The following FAM200C variants were observed in gnomAD, a reference collection of about 807,000 sequenced individuals.
the FAM200C span, chr5:160,395,423 T>C: frequency 1.2e-6 from 2 of 1,614,180 alleles, no homozygotes; most frequent in Non-Finnish European, 8.5e-7. Context: ...CTGAGTTCCA[T>C]CTACTTCCGT....
chr5:160,396,149 C>A, the FAM200C span, among the ~76,000 whole-genome samples: 14 of 151,388 alleles, frequency 9.2e-5, no homozygotes, highest in Admixed American at 9.2e-4. Flanking sequence ...CCACCCCACT[C>A]TTCCACCCCA....
At chr5:160,398,861 T>G in the FAM200C span, among the ~76,000 whole-genome samples, 1 of 152,218 alleles carries the variant, frequency 6.6e-6, no homozygotes, top group Non-Finnish European at 1.5e-5. Flanking sequence ...TAAGGAGATA[T>G]TGTTAAACAG....
At chr5:160,395,173 CT>C in the FAM200C span, 1 of 1,613,836 alleles carries the variant, frequency 6.2e-7, no homozygotes, top group South Asian at 1.1e-5. Context: ...TATGAGGATT[CT>C]TCTCCTTGGC....
At chr5:160,395,194 C>G in the FAM200C span, 2 of 1,613,754 alleles carry the variant, frequency 1.2e-6, no homozygotes, top group South Asian at 2.2e-5. Flanking sequence ...CACATAAATA[C>G]GCAAATTGAT....
chr5:160,395,543 T>C, the FAM200C span: 2 of 1,492,976 alleles, frequency 1.3e-6, no homozygotes, highest in East Asian at 2.3e-5. Context: ...AATTTTGCTT[T>C]GGGAGTAAAA....
chr5:160,395,311 C>T, the FAM200C span: 1 of 1,614,154 alleles, frequency 6.2e-7, no homozygotes. Flanking sequence ...TGAGATCATG[C>T]CCAGCTACAC....
chr5:160,397,208 G>T, the FAM200C span, among the ~76,000 whole-genome samples: 1 of 152,156 alleles, frequency 6.6e-6, no homozygotes, highest in Admixed American at 6.5e-5. Flanking sequence ...TGGTTAAGTA[G>T]TCAGGCTTAG....
At chr5:160,398,220 C>A in the FAM200C span, among the ~76,000 whole-genome samples, 1 of 151,834 alleles carries the variant, frequency 6.6e-6, no homozygotes, top group East Asian at 1.9e-4. Flanking sequence ...GAGATCACGC[C>A]ACTGCACTCC....
At chr5:160,395,256 A>C in the FAM200C span, 246 of 1,614,132 alleles carry the variant, frequency 1.5e-4, 3 homozygotes, top group African/African-American at 3.0e-3. Context: ...AATGCTTTCA[A>C]GGTTTCACTC....
At chr5:160,395,288 T>C in the FAM200C span, 1 of 1,614,200 alleles carries the variant, frequency 6.2e-7, no homozygotes, top group East Asian at 2.2e-5. Flanking sequence ...TGCTGGCATA[T>C]GCTTCAGGCT....
chr5:160,398,400 A>C, the FAM200C span, among the ~76,000 whole-genome samples: 390 of 152,046 alleles, frequency 2.6e-3, no homozygotes, highest in African/African-American at 9.0e-3. Context: ...AAATACAAAA[A>C]TTAGCTGTGC....
the FAM200C span, chr5:160,395,505 C>G: frequency 6.2e-7 from 1 of 1,607,218 alleles, no homozygotes; most frequent in Non-Finnish European, 8.5e-7. Flanking sequence ...CACAAAAATT[C>G]TCAGGTAGTA....
chr5:160,396,020 T>C, the FAM200C span, among the ~76,000 whole-genome samples: 39 of 152,298 alleles, frequency 2.6e-4, no homozygotes, highest in Non-Finnish European at 5.0e-4. Context: ...TATACATTTA[T>C]GGGGTACAAG....
the FAM200C span, among the ~76,000 whole-genome samples, chr5:160,396,173 C>T: frequency 1.2e-3 from 175 of 151,076 alleles, 4 homozygotes; most frequent in Non-Finnish European, 1.3e-4. Context: ...TTCCAAGTCT[C>T]CTTTACCCAT....
chr5:160,397,103 G>A, the FAM200C span, among the ~76,000 whole-genome samples: 1 of 152,116 alleles, frequency 6.6e-6, no homozygotes, highest in Non-Finnish European at 1.5e-5. Context: ...AAATATACAC[G>A]TCCCTGCACT....
the FAM200C span, chr5:160,393,569 T>C: frequency 1.5e-6 from 1 of 668,732 alleles, no homozygotes; most frequent in Non-Finnish European, 2.5e-6. Context: ...TATTTTCACA[T>C]GCCTCATTCA....
the FAM200C span, among the ~76,000 whole-genome samples, chr5:160,396,476 C>T: frequency 3.9e-5 from 6 of 151,972 alleles, no homozygotes; most frequent in Admixed American, 3.3e-4. Context: ...AATGGTCGGG[C>T]GTGGTAGCTC....
At chr5:160,393,814 TC>T in the FAM200C span, 1 of 1,607,994 alleles carries the variant, frequency 6.2e-7, no homozygotes, top group Admixed American at 1.7e-5. Context: ...TAAAGCAGCT[TC>T]TGGACTTTGT....
the FAM200C span, among the ~76,000 whole-genome samples, chr5:160,397,688 T>C: frequency 6.6e-6 from 1 of 152,226 alleles, no homozygotes; most frequent in Admixed American, 6.5e-5. Context: ...TACAAGGTTG[T>C]TATGAGCCTG....
Sources: allele counts gnomAD v4.1 joint callset (sites outside exome capture counted in the v4.1 genomes callset), GRCh38; gene constraint gnomAD v4.1.1; transcripts MANE v1.5.